PLEKHH2: variants seen among roughly 807,000 people sequenced by gnomAD.
The protein encoded by PLEKHH2 is pleckstrin homology, MyTH4 and FERM domain containing H2, also known as pleckstrin homology domain-containing family H member 2.
A neutral mutation model predicts 187.9 loss-of-function variants in PLEKHH2; 129 were observed. The ratio of observed to expected loss-of-function variants is 0.69; its 90% CI spans 0.59 to 0.79. PLEKHH2 has a LOEUF of 0.79. Among genes scored for constraint, PLEKHH2 ranks in the 30% least tolerant of loss-of-function variants. PLEKHH2 has a pLI of 0.00. For synonymous variants in PLEKHH2, 686 were observed against 605.6 expected, an observed-to-expected ratio of 1.13 and a Z score of -1.95; for missense variants, 2,076 against 1,751.2, an observed-to-expected ratio of 1.19 and a Z score of -3.31.
chr2:43,690,893 A>G (rs988889255), intron 3 of PLEKHH2, among the ~76,000 whole-genome samples: 1 of 152,368 alleles, frequency 6.6e-6, no homozygotes, highest in South Asian at 2.1e-4. Context: ...TAAAGGAGAG[A>G]AAAGTGAGAA....
intron 6 of PLEKHH2, among the ~76,000 whole-genome samples, chr2:43,696,398 G>A (rs191236237): frequency 9.7e-4 from 147 of 151,470 alleles, no homozygotes; most frequent in African/African-American, 3.5e-3. Flanking sequence ...TGAGGTGGGA[G>A]GATCACTTGA....
At chr2:43,641,324 C>T (rs765080478) in intron 1 of PLEKHH2, among the ~76,000 whole-genome samples, 10 of 152,076 alleles carry the variant, frequency 6.6e-5, no homozygotes, top group Non-Finnish European at 1.3e-4. Context: ...GGTGTCATAT[C>T]TAAGAATCTG....
intron 11 of PLEKHH2, 63 bp from the exon 12 acceptor site, chr2:43,709,927 G>C: frequency 2.7e-6 from 4 of 1,454,562 alleles, no homozygotes; most frequent in Non-Finnish European, 2.8e-6. Flanking sequence ...GGAGCACTCA[G>C]AGCTGGTGTT....
chr2:43,732,170 C>A (rs1272378029), intron 19 of PLEKHH2, among the ~76,000 whole-genome samples: 1 of 152,052 alleles, frequency 6.6e-6, no homozygotes, highest in African/African-American at 2.4e-5. Flanking sequence ...TCAAGACCAG[C>A]CTGGCCAACA....
At chr2:43,707,276 A>T in intron 10 of PLEKHH2, 125 bp from the exon 11 acceptor site, 2 of 969,754 alleles carry the variant, frequency 2.1e-6, no homozygotes, top group Non-Finnish European at 3.1e-6. Flanking sequence ...TGATAACCTT[A>T]GGGATGGATA....
rs767977407 is a variant in PLEKHH2, at chr2:43,757,286, T to C, written c.3941+22T>C. ...TAAGGTAAGGAAATCTTTGTAACTC[T>C]TTATAGGGTAGGGTCATACTAGTTT... is the stretch of plus-strand genomic sequence containing the variant. On this transcript the variant is annotated intron_variant, in intron 26 of 29. Coordinates refer to ENST00000282406, the MANE Select transcript of PLEKHH2 (RefSeq NM_172069.4). The C allele has an allele frequency of 4.6e-6, 7 of 1,518,602 alleles. No individual in the cohort carries two copies. In the East Asian group the frequency reaches 1.7e-4, roughly 37 times the overall value. 94.1% of individuals were successfully genotyped at this position (1,518,602 alleles called of 1,614,324 possible). A position where few individuals can be genotyped will look rare whatever the true frequency, so the allele number is the denominator to read the frequency against.
At chr2:43,690,974 G>A (rs1174478629) in intron 3 of PLEKHH2, among the ~76,000 whole-genome samples, 1 of 152,178 alleles carries the variant, frequency 6.6e-6, no homozygotes, top group Non-Finnish European at 1.5e-5. Flanking sequence ...CATGTAGGTT[G>A]GCAAACACAA....
intron 24 of PLEKHH2, among the ~76,000 whole-genome samples, chr2:43,748,127 A>G (rs547015465): frequency 1.3e-5 from 2 of 152,316 alleles, no homozygotes; most frequent in South Asian, 4.1e-4. Flanking sequence ...GCCACCCAGT[A>G]TTTGAACAGA....
intron 15 of PLEKHH2, among the ~76,000 whole-genome samples, chr2:43,718,129 G>A (rs1304166638): frequency 6.6e-6 from 1 of 152,202 alleles, no homozygotes; most frequent in Non-Finnish European, 1.5e-5. Flanking sequence ...TGGAAGCATG[G>A]TAAAAAATTA....
At chr2:43,659,411 T>C (rs1666956597) in intron 2 of PLEKHH2, among the ~76,000 whole-genome samples, 1 of 152,058 alleles carries the variant, frequency 6.6e-6, no homozygotes, top group African/African-American at 2.4e-5. Flanking sequence ...GTTATTCTCA[T>C]TTCATCTCTT....
At chr2:43,743,813 T>G in intron 22 of PLEKHH2, 21 bp from the exon 23 acceptor site, 2 of 1,595,378 alleles carry the variant, frequency 1.3e-6, no homozygotes, top group Non-Finnish European at 1.7e-6. Flanking sequence ...TTAAGAGAAC[T>G]GCTTTGTTAT....
rs540798915 is a variant in PLEKHH2, at chr2:43,730,365, G to T, written c.2830+620G>T. 3.0e-4 allele frequency among the ~76,000 whole-genome samples: 46 copies of T among 152,290 alleles called. 1 individual carries two copies. The highest frequency in any genetic ancestry group is 1.0e-3 in the African/African-American group (43 of 41,572). On this transcript the variant is annotated intron_variant, in intron 18 of 29. Coordinates refer to ENST00000282406, the MANE Select transcript of PLEKHH2 (RefSeq NM_172069.4). ...CCAGTGTGGCCCAGGGAAGCCAAAA[G>T]ATTTATAGCATTTGTAGTTTTGCAT... is the stretch of plus-strand genomic sequence containing the variant.
intron 2 of PLEKHH2, among the ~76,000 whole-genome samples, chr2:43,670,170 G>C (rs1197937057): frequency 6.6e-6 from 1 of 152,134 alleles, no homozygotes; most frequent in Non-Finnish European, 1.5e-5. Flanking sequence ...TATATCATTA[G>C]GAGAATAAAA....
chr2:43,762,462 AATG>A (rs1672467551), intron 28 of PLEKHH2, 72 bp downstream of exon 28: 4 of 1,157,914 alleles, frequency 3.5e-6, no homozygotes, highest in African/African-American at 1.5e-5. Flanking sequence ...AACAGAAAGT[AATG>A]ATATCTTAAT....
intron 2 of PLEKHH2, chr2:43,658,654 A>T (rs1019879164): frequency 2.0e-5 from 3 of 152,148 alleles, no homozygotes; most frequent in African/African-American, 7.2e-5. Flanking sequence ...AAGTGTGTGG[A>T]TGTCTCCACA....
intron 24 of PLEKHH2, among the ~76,000 whole-genome samples, chr2:43,751,475 T>A (rs1672007237): frequency 6.6e-6 from 1 of 152,160 alleles, no homozygotes; most frequent in Non-Finnish European, 1.5e-5. Context: ...TGGATCCAGT[T>A]GAGGGCAAGC....
At chr2:43,708,949 C>T (rs1006965650) in intron 11 of PLEKHH2, among the ~76,000 whole-genome samples, 7 of 152,158 alleles carry the variant, frequency 4.6e-5, no homozygotes, top group African/African-American at 1.4e-4. Flanking sequence ...TGGCATTGTT[C>T]TAATATGTCC....
intron 6 of PLEKHH2, among the ~76,000 whole-genome samples, chr2:43,695,663 T>C (rs1453260751): frequency 6.6e-6 from 1 of 152,184 alleles, no homozygotes; most frequent in African/African-American, 2.4e-5. Flanking sequence ...TTCTAAGTGA[T>C]GTAGTTCTGT....
At chr2:43,681,197 A>T in intron 3 of PLEKHH2, 1 of 676,688 alleles carries the variant, frequency 1.5e-6, no homozygotes, top group Non-Finnish European at 2.6e-6. Flanking sequence ...TCCTCAAAGA[A>T]TACAGAAAGC....
Sources: gnomAD v4.1 joint callset for allele counts (sites outside exome capture counted in the v4.1 genomes callset) on GRCh38, gnomAD v4.1.1 for gene constraint, MANE v1.5 for transcripts, NCBI Gene and HGNC (gene_info 2026-07-23, HGNC 2026-07-21) for gene names.